The following PARP15 variants were observed in gnomAD, a reference collection of about 807,000 sequenced individuals.
PARP15 encodes the protein poly(ADP-ribose) polymerase family member 15, also known as protein mono-ADP-ribosyltransferase PARP15.
A neutral mutation model predicts 62.1 loss-of-function variants in PARP15; 50 were observed. The observed-to-expected ratio is 0.81, with a 90% CI of 0.64 to 1.02. The LOEUF is 1.02. PARP15 is among the 50% of genes least tolerant of loss of function. PARP15 has a pLI of 0.00. For synonymous variants in PARP15, 309 were observed against 293.1 expected, an observed-to-expected ratio of 1.05 and a Z score of -0.55; for missense variants, 820 against 826.5, an observed-to-expected ratio of 0.99 and a Z score of 0.10.
intron 1 of PARP15, among the ~76,000 whole-genome samples, chr3:122,583,778 T>A (rs944097948): frequency 1.3e-5 from 2 of 152,232 alleles, no homozygotes; most frequent in African/African-American, 2.4e-5. Flanking sequence ...CTACTGTGGC[T>A]ATTGAGAACA....
At chr3:122,602,829 C>T (rs1056236840) in intron 1 of PARP15, among the ~76,000 whole-genome samples, 1 of 152,164 alleles carries the variant, frequency 6.6e-6, no homozygotes, top group Admixed American at 6.5e-5. Flanking sequence ...AGTAAACATG[C>T]ATGGAATTGA....
In PARP15 at chr3:122,621,587, G is replaced by C. The variant is rs1175891938; in HGVS notation, c.1207G>C (p.Val403Leu). 1 of 1,599,086 alleles carries C rather than the reference G, an allele frequency of 6.3e-7. No homozygotes were observed. Among genetic ancestry groups the C allele is most frequent in the East Asian group, 2.2e-5 (1 of 44,698 alleles). The change falls in exon 8 of 12, where the codon GTT (valine) becomes CTT (leucine). Residue 403 changes from valine to leucine, a missense_variant. Val to Leu is a conservative substitution (Grantham distance 32, BLOSUM62 1). Coordinates refer to ENST00000464300, the MANE Select transcript of PARP15 (RefSeq NM_001113523.3). ...GTGTGAACAGAGGAAGTACACATCG[G>C]TTTCCCTTCCAGCCATTGGAACAGG... ...EECEQRKYTS[V>L]SLPAIGTGNA...
chr3:122,603,537 A>G (rs1049589684), intron 1 of PARP15, among the ~76,000 whole-genome samples: 1 of 152,246 alleles, frequency 6.6e-6, no homozygotes, highest in Non-Finnish European at 1.5e-5. Flanking sequence ...GGAGATGGTC[A>G]TAATAATTGG....
chr3:122,593,469 C>G (rs987404841), intron 1 of PARP15, among the ~76,000 whole-genome samples: 1 of 151,942 alleles, frequency 6.6e-6, no homozygotes, highest in South Asian at 2.1e-4. Context: ...ACGTTTTTAT[C>G]TATGTTATTA....
At chr3:122,588,502 G>T (rs1388752356) in intron 1 of PARP15, among the ~76,000 whole-genome samples, 1 of 151,996 alleles carries the variant, frequency 6.6e-6, no homozygotes, top group African/African-American at 2.4e-5. Context: ...TCTACTTTTA[G>T]AAATTTTCAG....
intron 1 of PARP15, among the ~76,000 whole-genome samples, chr3:122,599,486 C>A (rs988351571): frequency 6.6e-6 from 1 of 151,736 alleles, no homozygotes; most frequent in Non-Finnish European, 1.5e-5. Flanking sequence ...CTCTCTCTTT[C>A]TTTTTCTTGC....
intron 9 of PARP15, among the ~76,000 whole-genome samples, chr3:122,628,895 C>T (rs566372843): frequency 1.2e-4 from 19 of 152,298 alleles, no homozygotes; most frequent in Admixed American, 9.2e-4. Context: ...TATCATATAG[C>T]CCTTTTCCAA....
At chr3:122,588,738 C>T (rs1456744532) in intron 1 of PARP15, among the ~76,000 whole-genome samples, 2 of 152,164 alleles carry the variant, frequency 1.3e-5, no homozygotes, top group Non-Finnish European at 2.9e-5. Context: ...CCCCTTATTT[C>T]CTCCTCCCCC....
intron 1 of PARP15, 35 bp from the exon 2 acceptor site, chr3:122,605,901 G>A: frequency 2.6e-6 from 4 of 1,545,092 alleles, no homozygotes; most frequent in Non-Finnish European, 3.5e-6. Context: ...CTTGAAATTG[G>A]CATTGCTGGT....
chr3:122,607,486 T>G (rs556393103), intron 2 of PARP15, among the ~76,000 whole-genome samples: 1 of 152,240 alleles, frequency 6.6e-6, no homozygotes, highest in African/African-American at 2.4e-5. Context: ...ATGAAATAAT[T>G]CATATAAACC....
At position 122,627,032 on chromosome 3, in the gene PARP15, A is replaced by G; in HGVS notation, c.1437A>G (p.Thr479=). The G allele has an allele frequency of 4.4e-6, 7 of 1,598,874 alleles. No individual in the cohort carries two copies. The highest frequency in any genetic ancestry group is 3.3e-4 in the Middle Eastern group (2 of 5,992). ...LNFQSTFSMT[T]CNLPEHWTDM... ...TTCAGTCCACATTCTCCATGACTACATGTAAGATGTTCACTTTTTAAAAAT... is the reference window on the plus strand; with the variant it reads ...TTCAGTCCACATTCTCCATGACTACGTGTAAGATGTTCACTTTTTAAAAAT... Residue 479 remains threonine (T), a splice_region_variant and synonymous_variant, in exon 9 of 12, where the codon ACA becomes ACG. Coordinates refer to ENST00000464300, the MANE Select transcript of PARP15 (RefSeq NM_001113523.3).
intron 5 of PARP15, among the ~76,000 whole-genome samples, chr3:122,616,186 T>C (rs574258474): frequency 6.6e-6 from 1 of 152,332 alleles, no homozygotes; most frequent in African/African-American, 2.4e-5. Context: ...CAGGTGGTTC[T>C]GTTGCCACTG....
At position 122,619,796 on chromosome 3, in the gene PARP15, T is replaced by C; in HGVS notation, c.1016T>C (p.Ile339Thr). The C allele has an allele frequency of 6.2e-7, 1 of 1,613,136 alleles. No individual in the cohort carries two copies. The highest frequency in any genetic ancestry group is 8.5e-7 in the Non-Finnish European group (1 of 1,179,108). The change falls in exon 7 of 12, where the codon ATT becomes ACT. Residue 339 changes from isoleucine to threonine, a missense_variant. Ile to Thr is a moderately conservative substitution (Grantham distance 89, BLOSUM62 -1). Coordinates refer to ENST00000464300, the MANE Select transcript of PARP15 (RefSeq NM_001113523.3). ...FNRKSGVSRA[I>T]LEGAGQAVES... ...TCTTATTTAGGTGTGTCAAGAGCTATTTTAGAAGGTGCTGGACAAGCTGTG... is the reference window on the plus strand; with the variant it reads ...TCTTATTTAGGTGTGTCAAGAGCTACTTTAGAAGGTGCTGGACAAGCTGTG...
intron 9 of PARP15, among the ~76,000 whole-genome samples, chr3:122,631,864 A>G (rs1937076366): frequency 6.6e-6 from 1 of 152,246 alleles, no homozygotes; most frequent in South Asian, 2.1e-4. Flanking sequence ...TAAATATTTT[A>G]TCTAGAGCAT....
chr3:122,624,824 C>T (rs760451321), intron 8 of PARP15, among the ~76,000 whole-genome samples: 1 of 152,076 alleles, frequency 6.6e-6, no homozygotes, highest in Non-Finnish European at 1.5e-5. Flanking sequence ...TAAATATTCA[C>T]CATTATACAT....
chr3:122,636,357 G>A lies in PARP15; in HGVS notation c.*257G>A, dbSNP rs1937372185. On this transcript the variant is annotated 3_prime_UTR_variant, in exon 12 of 12. Coordinates refer to ENST00000464300, the MANE Select transcript of PARP15 (RefSeq NM_001113523.3). ...ACCATTCACAGACACCAAATCTCTA[G>A]GAGAATAAAAAGCACATTATTCTTT... 4 of 417,646 alleles carry A rather than the reference G, an allele frequency of 9.6e-6. No homozygotes were observed. Among genetic ancestry groups the A allele is most frequent in the South Asian group, 4.1e-5 (1 of 24,658 alleles). The allele number at this position is 417,646 out of a possible 1,614,324, so 25.9% of individuals were successfully genotyped here. A position where few individuals can be genotyped will look rare whatever the true frequency, so the allele number is the denominator to read the frequency against.
intron 1 of PARP15, among the ~76,000 whole-genome samples, chr3:122,605,402 TA>T (rs1468468308): frequency 1.3e-5 from 2 of 152,246 alleles, no homozygotes; most frequent in African/African-American, 4.8e-5. Flanking sequence ...GGGGAATAAG[TA>T]AAAAACTCAC....
At chr3:122,615,533 C>T (rs1935903542) in intron 4 of PARP15, 2 of 1,119,834 alleles carry the variant, frequency 1.8e-6, no homozygotes, top group Admixed American at 3.0e-5. Flanking sequence ...CCACAGTCAG[C>T]ACCCCTGCTG....
rs112130591 is a variant in PARP15, at chr3:122,625,463, G to A, written c.1232-1364G>A. ...GTGGCAGGATTTCACCATATTGGCC[G>A]GTCCAGTCTCAAACTCCTGACCTGA... On this transcript the variant is annotated intron_variant, in intron 8 of 11. Coordinates refer to ENST00000464300, the MANE Select transcript of PARP15 (RefSeq NM_001113523.3). Among the ~76,000 whole-genome samples the A allele has an allele frequency of 3.1e-4, 47 of 152,140 alleles. No individual in the cohort carries two copies. In the East Asian group the frequency reaches 3.5e-3, roughly 11 times the overall value.
Sources: allele counts gnomAD v4.1 joint callset (sites outside exome capture counted in the v4.1 genomes callset), GRCh38; gene constraint gnomAD v4.1.1; transcripts MANE v1.5; gene names NCBI Gene and HGNC (gene_info 2026-07-23, HGNC 2026-07-21).